Variants in SAMMSON observed in about 807,000 individuals in gnomAD.
SAMMSON encodes the protein long intergenic non-protein coding RNA 1212.
chr3:70,097,419 A>G lies in SAMMSON; in HGVS notation n.507+25854A>G, dbSNP rs189254175. On this transcript the variant is annotated intron_variant and non_coding_transcript_variant, in intron 4 of 9. Transcript: ENST00000642114. ...GAACCGGTATAAACCATTACCTGCT[A>G]TTAGGAAAACTACTTGAATAAACTT... 5.3e-5 allele frequency among the ~76,000 whole-genome samples: 8 copies of G among 152,366 alleles called. No individual in the cohort carries two copies. The East Asian group carries it at 5.8e-4, about 11-fold the overall frequency.
intron 4 of SAMMSON, among the ~76,000 whole-genome samples, chr3:70,219,099 G>A (rs1475044459): frequency 6.6e-6 from 1 of 152,084 alleles, no homozygotes; most frequent in African/African-American, 2.4e-5. Flanking sequence ...TATAGTCAAG[G>A]CTTTCAAGTT....
rs1323553550 is a variant in SAMMSON at position 70,114,097 on chromosome 3, T to C, written n.507+42532T>C. On this transcript the variant is annotated intron_variant and non_coding_transcript_variant, in intron 4 of 9. Coordinates refer to ENST00000642114, the Ensembl canonical transcript of SAMMSON. ...GGTCGGAATTGACAAGTGGGTCAAA[T>C]TGGAGGCACCGATTCATTCATCTCA... is the stretch of plus-strand genomic sequence containing the variant. Among the ~76,000 whole-genome samples the C allele has an allele frequency of 3.3e-5, 5 of 152,304 alleles. No homozygotes were observed. In the East Asian group the frequency reaches 5.8e-4, roughly 18 times the overall value.
chr3:70,193,173 G>T (rs1416246437), intron 4 of SAMMSON, among the ~76,000 whole-genome samples: 1 of 152,112 alleles, frequency 6.6e-6, no homozygotes, highest in African/African-American at 2.4e-5. Context: ...TAATGGCACA[G>T]CTCTGGCCCC....
At chr3:70,223,931 C>T (rs74608348) in intron 4 of SAMMSON, among the ~76,000 whole-genome samples, 1 of 152,064 alleles carries the variant, frequency 6.6e-6, no homozygotes, top group Non-Finnish European at 1.5e-5. Flanking sequence ...CCTCTCCCCC[C>T]ACCCTTTTGG....
intron 3 of SAMMSON, among the ~76,000 whole-genome samples, chr3:70,061,655 C>G (rs1214208023): frequency 6.6e-6 from 1 of 152,068 alleles, no homozygotes; most frequent in Non-Finnish European, 1.5e-5. Flanking sequence ...GTTTACTTTA[C>G]CTGCCTAAAA....
chr3:70,078,599 C>G (rs2067257127), intron 4 of SAMMSON, among the ~76,000 whole-genome samples: 1 of 152,152 alleles, frequency 6.6e-6, no homozygotes, highest in African/African-American at 2.4e-5. Context: ...TTGGCCCTTC[C>G]TACAGTTTTG....
At chr3:70,006,362 G>A (rs1223180220) in intron 1 of SAMMSON, among the ~76,000 whole-genome samples, 9 of 152,158 alleles carry the variant, frequency 5.9e-5, no homozygotes, top group East Asian at 1.9e-4. Context: ...GGAAGGGAAT[G>A]TGTATTAAGG....
At chr3:70,303,699 T>C (rs1395602819) in intron 7 of SAMMSON, among the ~76,000 whole-genome samples, 48 of 152,194 alleles carry the variant, frequency 3.2e-4, no homozygotes, top group Admixed American at 3.1e-3. Flanking sequence ...TTTATTTTTC[T>C]GAGGTGGAGT....
At chr3:70,398,789 T>C (rs1472742098) in intron 2 of SAMMSON, among the ~76,000 whole-genome samples, 1 of 152,190 alleles carries the variant, frequency 6.6e-6, no homozygotes, top group Non-Finnish European at 1.5e-5. Context: ...CACATAAATA[T>C]AGATTTGTTG....
intron 4 of SAMMSON, chr3:70,124,930 G>A (rs968130180): frequency 1.9e-6 from 1 of 539,064 alleles, no homozygotes. Flanking sequence ...TGATTTAAAG[G>A]CATATGTATT....
intron 3 of SAMMSON, among the ~76,000 whole-genome samples, chr3:70,028,186 C>CCTTTCTTTCTTT (rs1467823828): frequency 1.9e-5 from 2 of 103,870 alleles, no homozygotes; most frequent in African/African-American, 3.3e-5. Flanking sequence ...TTCCTTCCTT[C>CCTTTCTTTCTTT]CTTTCTTTCT....
intron 7 of SAMMSON, among the ~76,000 whole-genome samples, chr3:70,327,469 G>A (rs1181683196): frequency 6.6e-6 from 1 of 152,142 alleles, no homozygotes; most frequent in Non-Finnish European, 1.5e-5. Context: ...GGAGGAGACA[G>A]AACTCAGAAT....
intron 2 of SAMMSON, among the ~76,000 whole-genome samples, chr3:70,419,869 A>T (rs1221360180): frequency 6.6e-6 from 1 of 152,098 alleles, no homozygotes; most frequent in East Asian, 1.9e-4. Flanking sequence ...CGATCTCCTG[A>T]CCTCGTGATC....
chr3:70,072,328 C>T (rs1422923028), intron 4 of SAMMSON: 4 of 151,732 alleles, frequency 2.6e-5, no homozygotes, highest in South Asian at 2.1e-4. Flanking sequence ...TCTGGCTACC[C>T]GCTTGGCTTC....
intron 4 of SAMMSON, among the ~76,000 whole-genome samples, chr3:70,092,649 T>A (rs945107986): frequency 3.3e-5 from 5 of 152,152 alleles, no homozygotes; most frequent in Non-Finnish European, 1.5e-5. Flanking sequence ...AAACTCGTTC[T>A]GTATTCTGTT....
At chr3:70,411,392 T>G (rs2106768821) in intron 2 of SAMMSON, among the ~76,000 whole-genome samples, 1 of 152,346 alleles carries the variant, frequency 6.6e-6, no homozygotes, top group South Asian at 2.1e-4. Flanking sequence ...TACAGAACTT[T>G]CATCCACCTA....
At chr3:70,371,286 T>A (rs1017775359) in intron 9 of SAMMSON, among the ~76,000 whole-genome samples, 10 of 152,152 alleles carry the variant, frequency 6.6e-5, no homozygotes, top group Non-Finnish European at 1.5e-4. Context: ...AGGATTGCTT[T>A]GACTATTCCG....
At chr3:70,177,250 A>G (rs1197664519) in intron 4 of SAMMSON, among the ~76,000 whole-genome samples, 1 of 152,218 alleles carries the variant, frequency 6.6e-6, no homozygotes, top group Non-Finnish European at 1.5e-5. Flanking sequence ...ACACTGGTAC[A>G]TACCCCTACC....
intron 2 of SAMMSON, among the ~76,000 whole-genome samples, chr3:70,419,831 G>C (rs938157809): frequency 6.6e-6 from 1 of 152,102 alleles, no homozygotes; most frequent in South Asian, 2.1e-4. Context: ...GTAGAGATGG[G>C]GTTTCACCGT....
Sources: gnomAD v4.1 joint callset for allele counts (sites outside exome capture counted in the v4.1 genomes callset) on GRCh38, gnomAD v4.1.1 for gene constraint, MANE v1.5 for transcripts, NCBI Gene and HGNC (gene_info 2026-07-23, HGNC 2026-07-21) for gene names.